REPS1: variants seen among roughly 807,000 people sequenced by gnomAD.
REPS1 encodes RALBP1 associated Eps domain containing 1, also known as ralBP1-associated Eps domain-containing protein 1.
In REPS1, 39 loss-of-function variants were observed where a neutral mutation model predicts 100.9. The observed-to-expected ratio is 0.39, with a 90% CI of 0.30 to 0.50. The LOEUF (loss-of-function observed/expected upper bound fraction) is 0.50. REPS1 is among the 20% of genes least tolerant of loss of function. The pLI is 0.86. For synonymous variants in REPS1, 324 were observed against 340.3 expected (o/e 0.95, Z 0.53); for missense variants, 821 against 968.5 (o/e 0.85, Z 2.02).
In REPS1 at chr6:138,907,276, T is replaced by C. The variant is rs1454144147; in HGVS notation, c.2322+219A>G. On this transcript the variant is annotated intron_variant, in intron 19 of 19. Coordinates refer to ENST00000450536, the MANE Select transcript of REPS1 (RefSeq NM_001286611.2). ...GCTTGAGCCCAGGTTGCCAGGGTGATAGAGCGAGATCGTGTCTCTTTAAAA... is the reference window on the plus strand; with the variant it reads ...GCTTGAGCCCAGGTTGCCAGGGTGACAGAGCGAGATCGTGTCTCTTTAAAA... The C allele has an allele frequency of 2.9e-5, 10 of 342,352 alleles. No homozygotes were observed. In the South Asian group the frequency reaches 4.4e-4, roughly 15 times the overall value. The allele number at this position is 342,352 out of a possible 1,614,324, so 21.2% of individuals were successfully genotyped here.
At chr6:138,940,778 G>GAAGA (rs566346043) in intron 8 of REPS1, among the ~76,000 whole-genome samples, 7 of 151,084 alleles carry the variant, frequency 4.6e-5, no homozygotes, top group Non-Finnish European at 8.9e-5. Context: ...AAAAGAAAAG[G>GAAGA]AAGAAAGAAA....
intron 15 of REPS1, among the ~76,000 whole-genome samples, chr6:138,913,547 G>A (rs929759126): frequency 7.9e-5 from 12 of 152,138 alleles, no homozygotes; most frequent in South Asian, 4.1e-4. Context: ...CTGACAGTCC[G>A]GAGCAGGAGA....
At chr6:138,972,683 T>A (rs1483591103) in intron 1 of REPS1, among the ~76,000 whole-genome samples, 35 of 133,076 alleles carry the variant, frequency 2.6e-4, no homozygotes, top group African/African-American at 2.4e-4. Flanking sequence ...ACAATACCAC[T>A]AAAAAAAAAA....
Position 138,905,019 on chromosome 6 carries a change from A to C in REPS1, c.*45T>G, listed in dbSNP as rs1050504415. The stretch of plus-strand genomic sequence containing the variant: ...AGGTCTCCAAATTGGCTTTGAACCC[A>C]AAACCACTTAAAAACAAGTATGTTC... On this transcript the variant is annotated 3_prime_UTR_variant, in exon 20 of 20. Transcript: ENST00000450536. 2.5e-6 allele frequency: 4 copies of C among 1,597,456 alleles called. No homozygotes were observed. The African/African-American group carries it at 4.0e-5, about 16-fold the overall frequency.
At chr6:138,969,419 A>G (rs1784205569) in intron 1 of REPS1, among the ~76,000 whole-genome samples, 1 of 150,616 alleles carries the variant, frequency 6.6e-6, no homozygotes, top group Non-Finnish European at 1.5e-5. Context: ...CCTCCTGAGC[A>G]GCTAACAGGC....
intron 1 of REPS1, among the ~76,000 whole-genome samples, chr6:138,982,120 CACT>C (rs1264621285): frequency 6.6e-6 from 1 of 152,138 alleles, no homozygotes; most frequent in Non-Finnish European, 1.5e-5. Flanking sequence ...AACTAAAAAC[CACT>C]ACTCCAGAAT....
chr6:138,976,773 G>A (rs141858206), intron 1 of REPS1, among the ~76,000 whole-genome samples: 19 of 152,214 alleles, frequency 1.2e-4, no homozygotes, highest in East Asian at 3.9e-4. Flanking sequence ...CACGCAGAGC[G>A]GTCCCTGTCA....
At chr6:138,926,326 G>A (rs1264613973) in intron 10 of REPS1, 75 bp downstream of exon 10, 6 of 1,115,358 alleles carry the variant, frequency 5.4e-6, no homozygotes, top group Non-Finnish European at 8.0e-6. Flanking sequence ...ATGCATATCA[G>A]CTAAAAACGA....
At chr6:138,967,339 G>C (rs1394766307) in intron 1 of REPS1, among the ~76,000 whole-genome samples, 1 of 152,186 alleles carries the variant, frequency 6.6e-6, no homozygotes, top group African/African-American at 2.4e-5. Flanking sequence ...TTCTGCCAAA[G>C]TGCCAGACAT....
chr6:138,980,680 TGGGGCGGGGGGGGGG>T (rs1784895919), intron 1 of REPS1, among the ~76,000 whole-genome samples: 1 of 974 alleles, frequency 1.0e-3, no homozygotes, highest in African/African-American at 6.0e-3. Flanking sequence ...TTTTTGTGGG[TGGGGCGGGGGGGGGG>T]GGGAACGGAG....
In REPS1 at chr6:138,941,458, A is replaced by G. The variant is rs754330470; in HGVS notation, c.1012T>C (p.Leu338=). 1.2e-6 allele frequency: 2 copies of G among 1,613,916 alleles called. No individual in the cohort carries two copies. The highest frequency in any genetic ancestry group is 1.7e-6 in the Non-Finnish European group (2 of 1,179,938). Residue 338 remains leucine (L), a synonymous_variant, in exon 8 of 20, where the codon TTG becomes CTG. Coordinates refer to ENST00000450536, the MANE Select transcript of REPS1 (RefSeq NM_001286611.2). ...GCAGCACAAAACTCATCCAGTGTCA[A>G]TGCACCATCTTTATCAAAGTCTGAG... The part of the protein sequence containing the change: ...ELSDFDKDGA[L]TLDEFCAAFH...
chr6:138,920,891 T>C (rs1303737915), intron 11 of REPS1, 146 bp downstream of exon 11: 2 of 593,128 alleles, frequency 3.4e-6, no homozygotes, highest in Admixed American at 3.7e-5. Flanking sequence ...AACAGCAACA[T>C]AAATAAATAT....
intron 17 of REPS1, among the ~76,000 whole-genome samples, chr6:138,909,266 ACAT>A (rs2128425165): frequency 6.6e-6 from 1 of 152,348 alleles, no homozygotes; most frequent in African/African-American, 2.4e-5. Flanking sequence ...AAAACCAAAA[ACAT>A]CATTATTAAT....
chr6:138,987,594 A>C lies in REPS1; in HGVS notation c.89T>G (p.Val30Gly), dbSNP rs1480710323. The C allele has an allele frequency of 6.4e-7, 1 of 1,551,066 alleles. No individual in the cohort carries two copies. Among genetic ancestry groups the C allele is most frequent in the Non-Finnish European group, 8.7e-7 (1 of 1,146,692 alleles). Residue 30 changes from valine (V) to glycine (G), a missense_variant, in exon 1 of 20, where the codon GTG becomes GGG. Val to Gly is a moderately radical substitution (Grantham distance 109, BLOSUM62 -3). Coordinates refer to ENST00000450536, the MANE Select transcript of REPS1 (RefSeq NM_001286611.2). Reference sequence around the variant, plus strand: ...CAGCTCCAGCACCCGCCCGTTGACCACCACCTTCTTGGTGCTCTCAATGTC... The same window carrying C: ...CAGCTCCAGCACCCGCCCGTTGACCCCCACCTTCTTGGTGCTCTCAATGTC... ...YCDIESTKKV[V>G]VNGRVLELFR...
At chr6:138,907,855 TAA>T (rs1456182023) in intron 18 of REPS1, among the ~76,000 whole-genome samples, 2 of 152,090 alleles carry the variant, frequency 1.3e-5, no homozygotes, top group Non-Finnish European at 2.9e-5. Flanking sequence ...TAAAAGAGTC[TAA>T]AGTAGGTACT....
At chr6:138,962,492 A>G (rs1354309603) in intron 1 of REPS1, among the ~76,000 whole-genome samples, 1 of 152,176 alleles carries the variant, frequency 6.6e-6, no homozygotes, top group Non-Finnish European at 1.5e-5. Flanking sequence ...CTGAGTAGTA[A>G]CCAAGGGAAA....
rs1781129338 is a variant in REPS1 at position 138,926,431 on chromosome 6, T to C, written c.1308A>G (p.Gln436=). The change falls in exon 10 of 20, where the codon CAA becomes CAG. Residue 436 remains glutamine (Q), a synonymous_variant. Transcript: ENST00000450536. ...CAGCTGGTGCAATGTTAGAATCAAA[T>C]TGGGTCAGAGTTTGTGAGCTTGAAG... The part of the protein sequence containing the change: ...ERSSSSQTLT[Q]FDSNIAPADP... The C allele has an allele frequency of 5.6e-6, 9 of 1,613,170 alleles. No individual in the cohort carries two copies. The highest frequency in any genetic ancestry group is 5.1e-6 in the Non-Finnish European group (6 of 1,179,496).
At chr6:138,930,372 T>C (rs1781414958) in intron 8 of REPS1, among the ~76,000 whole-genome samples, 1 of 152,166 alleles carries the variant, frequency 6.6e-6, no homozygotes, top group Admixed American at 6.5e-5. Context: ...ATAGGTCACA[T>C]GCTTTAAAAT....
rs571359824 is a variant in REPS1 at position 138,987,886 on chromosome 6, C to G, written c.-204G>C. The G allele has an allele frequency of 5.6e-5, 26 of 467,708 alleles. No individual in the cohort carries two copies. The South Asian group carries it at 2.2e-3, about 39-fold the overall frequency. The allele number at this position is 467,708 out of a possible 1,614,324, so 29.0% of individuals were successfully genotyped here. ...GGGGGCCCGGCTGCGCTCGCCGCGC[C>G]GCTGCCTGCGAGGCCCGGCGCGCGG... is the stretch of plus-strand genomic sequence containing the variant. On this transcript the variant is annotated 5_prime_UTR_variant, in exon 1 of 20. Coordinates refer to ENST00000450536, the MANE Select transcript of REPS1 (RefSeq NM_001286611.2).
Sources: gnomAD v4.1 joint callset for allele counts (sites outside exome capture counted in the v4.1 genomes callset) on GRCh38, gnomAD v4.1.1 for gene constraint, MANE v1.5 for transcripts, NCBI Gene and HGNC (gene_info 2026-07-23, HGNC 2026-07-21) for gene names.